The following DPY19L2 variants were observed in gnomAD, a reference collection of about 807,000 sequenced individuals.
The protein encoded by DPY19L2 is dpy-19 like 2, also known as probable C-mannosyltransferase DPY19L2.
DPY19L2 carries 34 observed loss-of-function variants against 97.9 expected under a neutral mutation model. The observed-to-expected ratio is 0.35, with a 90% confidence interval of 0.26 to 0.46. The LOEUF (loss-of-function observed/expected upper bound fraction) is 0.46. Among genes scored for constraint, DPY19L2 ranks in the 20% least tolerant of loss-of-function variants. The probability of loss-of-function intolerance (pLI) is 1.00; values close to 1 mark genes in which losing one functional copy is unlikely to be tolerated. For synonymous variants in DPY19L2, 230 were observed against 307.9 expected (o/e 0.75, Z 2.65); for missense variants, 623 against 911.4 (o/e 0.68, Z 4.07).
rs561264055 is a variant in DPY19L2 at position 63,581,042 on chromosome 12, C to A, written c.1726-206G>T. On this transcript the variant is annotated intron_variant, in intron 18 of 21. Coordinates refer to ENST00000324472, the MANE Select transcript of DPY19L2 (RefSeq NM_173812.5). ...CCAGGTGAAAATGGAACTTTCTCTC[C>A]CCTGGGAAGAATTAAGGAAGATATA... 2.6e-5 allele frequency among the ~76,000 whole-genome samples: 4 copies of A among 152,172 alleles called. No homozygotes were observed. The East Asian group carries it at 7.7e-4, about 29-fold the overall frequency.
intron 12 of DPY19L2, among the ~76,000 whole-genome samples, chr12:63,600,611 CTTTTTTTTTT>C (rs71434019): frequency 1.8e-5 from 2 of 110,594 alleles, no homozygotes; most frequent in African/African-American, 7.0e-5. Flanking sequence ...TATCCTAAAT[CTTTTTTTTTT>C]TTTTTTTTTT....
At chr12:63,635,401 C>T (rs374914120) in intron 6 of DPY19L2, among the ~76,000 whole-genome samples, 9 of 152,240 alleles carry the variant, frequency 5.9e-5, no homozygotes, top group African/African-American at 1.9e-4. Flanking sequence ...AGCATAGCTC[C>T]TTGCCAGCAA....
intron 4 of DPY19L2, among the ~76,000 whole-genome samples, chr12:63,655,362 T>C (rs1490290997): frequency 1.3e-5 from 2 of 152,194 alleles, no homozygotes; most frequent in African/African-American, 2.4e-5. Flanking sequence ...TGGTTGTGCT[T>C]ACGTTGTATC....
intron 21 of DPY19L2, among the ~76,000 whole-genome samples, chr12:63,564,337 G>T (rs1383930964): frequency 6.6e-6 from 1 of 151,758 alleles, no homozygotes; most frequent in African/African-American, 2.4e-5. Flanking sequence ...CTGATATGAG[G>T]CCTTTCTTCT....
At chr12:63,666,520 C>T (rs1462135709) in intron 1 of DPY19L2, 6 of 446,802 alleles carry the variant, frequency 1.3e-5, no homozygotes, top group Admixed American at 2.4e-5. Context: ...GCTGCAAACG[C>T]AGCCTGTGCC....
Position 63,600,423 on chromosome 12 carries a change from C to T in DPY19L2, c.1279-37G>A, listed in dbSNP as rs745874254. 10 of 1,399,696 alleles carry T rather than the reference C, an allele frequency of 7.1e-6. 1 individual carries two copies. In the Middle Eastern group the frequency reaches 1.0e-3, roughly 141 times the overall value. 86.7% of individuals were successfully genotyped at this position (1,399,696 alleles called of 1,614,324 possible). ...AATAGAAGTCCAGTATTTAAAACTA[C>T]AAATCACCCAGCTAAAGTATTCAAT... On this transcript the variant is annotated intron_variant, in intron 12 of 21. Coordinates refer to ENST00000324472, the MANE Select transcript of DPY19L2 (RefSeq NM_173812.5).
chr12:63,573,165 C>T (rs773802972), intron 19 of DPY19L2, among the ~76,000 whole-genome samples: 21 of 152,004 alleles, frequency 1.4e-4, no homozygotes, highest in Non-Finnish European at 2.6e-4. Context: ...ACAGAGAATT[C>T]AAAATAGCCG....
chr12:63,601,445 A>G (rs1235484712), intron 12 of DPY19L2, among the ~76,000 whole-genome samples: 1 of 152,156 alleles, frequency 6.6e-6, no homozygotes, highest in Non-Finnish European at 1.5e-5. Flanking sequence ...ATCTCTGCAT[A>G]TATCAACCAA....
chr12:63,667,623 T>C (rs1896482854), intron 1 of DPY19L2, among the ~76,000 whole-genome samples: 1 of 152,126 alleles, frequency 6.6e-6, no homozygotes. Flanking sequence ...CATTTCTCCA[T>C]ATAGTAATCC....
At position 63,624,182 on chromosome 12, in the gene DPY19L2, A is replaced by G. The variant is rs1351589493; in HGVS notation, c.862-51T>C. Reference sequence around the variant, plus strand: ...ACATCCTATTTACTACAACAAACATATTAAAAAACCAGGGGTGAGTTTGTT... The same window carrying G: ...ACATCCTATTTACTACAACAAACATGTTAAAAAACCAGGGGTGAGTTTGTT... On this transcript the variant is annotated intron_variant, in intron 7 of 21. Coordinates refer to ENST00000324472, the MANE Select transcript of DPY19L2 (RefSeq NM_173812.5). 3.7e-6 allele frequency: 5 copies of G among 1,365,548 alleles called. No homozygotes were observed. The Admixed American group carries it at 5.2e-5, about 14-fold the overall frequency. The allele number at this position is 1,365,548 out of a possible 1,614,324, so 84.6% of individuals were successfully genotyped here.
At chr12:63,602,268 C>A (rs754717097) in intron 12 of DPY19L2, among the ~76,000 whole-genome samples, 1 of 150,550 alleles carries the variant, frequency 6.6e-6, no homozygotes, top group Non-Finnish European at 1.5e-5. Flanking sequence ...AGAATACTAT[C>A]AAAAAAAATA....
At chr12:63,568,508 T>C (rs1292403679) in intron 21 of DPY19L2, among the ~76,000 whole-genome samples, 4 of 152,070 alleles carry the variant, frequency 2.6e-5, no homozygotes, top group African/African-American at 9.7e-5. Context: ...TGAATCGGTT[T>C]CTATTAACTT....
At chr12:63,615,023 A>G (rs1887619992) in intron 11 of DPY19L2, among the ~76,000 whole-genome samples, 1 of 152,296 alleles carries the variant, frequency 6.6e-6, no homozygotes, top group East Asian at 1.9e-4. Context: ...CATACATGAC[A>G]CAAGTATGCT....
intron 11 of DPY19L2, among the ~76,000 whole-genome samples, chr12:63,614,975 T>C (rs537384982): frequency 2.2e-4 from 34 of 152,200 alleles, no homozygotes; most frequent in African/African-American, 7.9e-4. Flanking sequence ...CTCCAGGTTT[T>C]GGGCAGGAGT....
At chr12:63,617,963 T>C (rs543306468) in intron 10 of DPY19L2, among the ~76,000 whole-genome samples, 188 bp downstream of exon 10, 1 of 152,084 alleles carries the variant, frequency 6.6e-6, no homozygotes, top group East Asian at 1.9e-4. Context: ...TACAGTCCAG[T>C]TGAAAGTATA....
chr12:63,638,675 C>G (rs367766233), intron 6 of DPY19L2, among the ~76,000 whole-genome samples: 1 of 151,968 alleles, frequency 6.6e-6, no homozygotes, highest in Non-Finnish European at 1.5e-5. Context: ...CAAGGAGAAC[C>G]ACAAACCACT....
intron 8 of DPY19L2, among the ~76,000 whole-genome samples, chr12:63,622,291 G>A (rs1401723422): frequency 5.9e-5 from 9 of 152,072 alleles, no homozygotes; most frequent in Non-Finnish European, 1.5e-5. Flanking sequence ...CACCTTCCTA[G>A]GAATTAAACT....
intron 11 of DPY19L2, among the ~76,000 whole-genome samples, chr12:63,617,038 A>T (rs2458433): frequency 6.6e-6 from 1 of 152,212 alleles, no homozygotes; most frequent in Non-Finnish European, 1.5e-5. Context: ...AGTCATTTTT[A>T]TCATAAAATG....
rs1273495590 is a variant in DPY19L2, at chr12:63,665,458, G to A, written c.362+377C>T. On this transcript the variant is annotated intron_variant, in intron 2 of 21. Coordinates refer to ENST00000324472, the MANE Select transcript of DPY19L2 (RefSeq NM_173812.5). The stretch of plus-strand genomic sequence containing the variant: ...ACTGCACTCTAGCCTGGGAGACAGA[G>A]CAAGACTCTGTCTCAAAAAAAAAAA... Among the ~76,000 whole-genome samples the A allele has an allele frequency of 4.1e-5, 6 of 144,962 alleles. No individual in the cohort carries two copies. In the Admixed American group the frequency reaches 4.3e-4, roughly 10 times the overall value.
Sources: allele counts gnomAD v4.1 joint callset (sites outside exome capture counted in the v4.1 genomes callset), GRCh38; gene constraint gnomAD v4.1.1; transcripts MANE v1.5; gene names NCBI Gene and HGNC (gene_info 2026-07-23, HGNC 2026-07-21).